The following ROBO2 variants were observed in gnomAD, a reference collection of about 807,000 sequenced individuals.
ROBO2 encodes roundabout guidance receptor 2.
A neutral mutation model predicts 160.8 loss-of-function variants in ROBO2; 53 were observed. The observed-to-expected ratio is 0.33, with a 90% CI of 0.26 to 0.41. ROBO2 has a LOEUF of 0.41. Ranked by LOEUF, ROBO2 falls within the 10% of genes least tolerant of loss-of-function variation. The pLI, the probability that ROBO2 is intolerant of heterozygous loss-of-function variation, is 1.00. For synonymous variants in ROBO2, 664 were observed against 611.7 expected, an observed-to-expected ratio of 1.09 and a Z score of -1.26; for missense variants, 1,577 against 1,722.4, an observed-to-expected ratio of 0.92 and a Z score of 1.49.
chr3:77,182,785 G>A (rs1270097877), intron 2 of ROBO2, among the ~76,000 whole-genome samples: 1 of 152,056 alleles, frequency 6.6e-6, no homozygotes, highest in African/African-American at 2.4e-5. Flanking sequence ...TTATACAAAG[G>A]TGTTAAGTAA....
chr3:77,211,382 GTCT>G (rs2084133160), intron 2 of ROBO2, among the ~76,000 whole-genome samples: 1 of 152,190 alleles, frequency 6.6e-6, no homozygotes, highest in Admixed American at 6.5e-5. Flanking sequence ...CTGCATAAAT[GTCT>G]TCTTTTGAGA....
At chr3:76,353,202 A>T (rs966733449) in intron 2 of ROBO2, among the ~76,000 whole-genome samples, 112 of 152,092 alleles carry the variant, frequency 7.4e-4, no homozygotes, top group African/African-American at 2.6e-3. Flanking sequence ...CTGTCCTGAT[A>T]TGATCTTTTT....
rs114447253 is a variant in ROBO2, at chr3:76,131,577, T to C, written c.109+193975T>C. Among the ~76,000 whole-genome samples the C allele has an allele frequency of 4.2e-3, 641 of 152,194 alleles. 11 individuals are homozygous for C. Among genetic ancestry groups the C allele is most frequent in the Admixed American group, 0.027 (418 of 15,286 alleles). On this transcript the variant is annotated intron_variant, in intron 2 of 26. Transcript: ENST00000487694. ...AGTTCCCTTTGGTAAGGTTTTTTCC[T>C]TGGGCAGGAATCAACTGAGACCTGT...
intron 2 of ROBO2, among the ~76,000 whole-genome samples, chr3:76,830,291 C>A (rs2066967898): frequency 6.6e-6 from 1 of 152,156 alleles, no homozygotes; most frequent in Non-Finnish European, 1.5e-5. Flanking sequence ...ACTGGCTAGC[C>A]TCCAGGTACT....
intron 2 of ROBO2, among the ~76,000 whole-genome samples, chr3:76,567,620 G>GATATATATATATATATATATAT (rs1201854439): frequency 1.5e-4 from 5 of 33,244 alleles, no homozygotes; most frequent in Non-Finnish European, 2.7e-4. Flanking sequence ...CCAAACTACT[G>GATATATATATATATATATATAT]ATATATATAT....
chr3:77,075,109 T>C (rs2149870511), intron 1 of ROBO2, among the ~76,000 whole-genome samples: 1 of 152,330 alleles, frequency 6.6e-6, no homozygotes, highest in Non-Finnish European at 1.5e-5. Context: ...TATACACATG[T>C]ACATAAAACG....
intron 2 of ROBO2, among the ~76,000 whole-genome samples, chr3:76,555,443 A>AAGAAGAAAGAAGG (rs2083726254): frequency 2.2e-5 from 3 of 138,798 alleles, no homozygotes; most frequent in Admixed American, 7.2e-5. Flanking sequence ...GAAGGGGAAG[A>AAGAAGAAAGAAGG]GGAAGAGGAA....
chr3:77,002,977 A>AAG (rs56143211), intron 2 of ROBO2, among the ~76,000 whole-genome samples: 53,758 of 151,848 alleles, frequency 0.35, 10,283 homozygotes, highest in East Asian at 0.65. Context: ...AAATCTCCCT[A>AAG]AGTCTTTCAT....
At position 77,377,086 on chromosome 3, in the gene ROBO2, G is replaced by A. The variant is rs367694752; in HGVS notation, c.389-100328G>A. 1.2e-4 allele frequency among the ~76,000 whole-genome samples: 19 copies of A among 152,196 alleles called. No individual in the cohort carries two copies. In the East Asian group the frequency reaches 3.7e-3, roughly 29 times the overall value. ...AAATCAATTATGTGGTGATTTGTGA[G>A]TTTGACCAAAAGCTGATTTCCCTAC... On this transcript the variant is annotated intron_variant, in intron 2 of 25. Transcript: ENST00000461745.
At chr3:76,561,808 C>T (rs2084200623) in intron 2 of ROBO2, among the ~76,000 whole-genome samples, 1 of 152,158 alleles carries the variant, frequency 6.6e-6, no homozygotes, top group Admixed American at 6.6e-5. Flanking sequence ...GGCACTTGCT[C>T]TTACACTCCC....
At chr3:77,270,836 G>T (rs1395048081) in intron 2 of ROBO2, among the ~76,000 whole-genome samples, 1 of 151,938 alleles carries the variant, frequency 6.6e-6, no homozygotes, top group Non-Finnish European at 1.5e-5. Flanking sequence ...CCAGCTACTC[G>T]GGAGGCTGAG....
intron 2 of ROBO2, among the ~76,000 whole-genome samples, chr3:76,947,226 AAT>A (rs1333656563): frequency 6.6e-6 from 1 of 151,986 alleles, no homozygotes; most frequent in Non-Finnish European, 1.5e-5. Flanking sequence ...TAAATATTAT[AAT>A]ATATTTAACC....
intron 2 of ROBO2, among the ~76,000 whole-genome samples, chr3:77,401,287 G>A (rs1477178881): frequency 2.6e-5 from 4 of 151,740 alleles, no homozygotes; most frequent in Admixed American, 2.6e-4. Flanking sequence ...CTCAAAGAGG[G>A]GATTTCAATC....
At chr3:76,311,958 G>C (rs2071616206) in intron 2 of ROBO2, among the ~76,000 whole-genome samples, 2 of 152,206 alleles carry the variant, frequency 1.3e-5, no homozygotes, top group African/African-American at 4.8e-5. Flanking sequence ...ACTTTGAAGT[G>C]TTGTAATACA....
chr3:76,781,759 T>A (rs2062657759), intron 2 of ROBO2, among the ~76,000 whole-genome samples: 2 of 150,788 alleles, frequency 1.3e-5, no homozygotes, highest in African/African-American at 4.8e-5. Flanking sequence ...TAGCGAATGA[T>A]TCTTTTAATG....
intron 2 of ROBO2, among the ~76,000 whole-genome samples, chr3:77,117,354 A>C (rs1379102050): frequency 1.3e-5 from 2 of 152,116 alleles, no homozygotes; most frequent in African/African-American, 4.8e-5. Context: ...CCCCAACTCA[A>C]ATACCTATGA....
intron 2 of ROBO2, among the ~76,000 whole-genome samples, chr3:76,921,316 G>A (rs2076645193): frequency 6.6e-6 from 1 of 152,094 alleles, no homozygotes; most frequent in African/African-American, 2.4e-5. Context: ...TCCATTATAA[G>A]GTATCTAATT....
At chr3:76,731,818 G>A (rs1371457658) in intron 2 of ROBO2, among the ~76,000 whole-genome samples, 1 of 152,138 alleles carries the variant, frequency 6.6e-6, no homozygotes, top group African/African-American at 2.4e-5. Flanking sequence ...GGAATTCATG[G>A]GGACTCTATT....
At chr3:77,546,390 A>G in exon 7 of ROBO2, 2 of 1,613,326 alleles carry the variant, frequency 1.2e-6, no homozygotes, top group Non-Finnish European at 8.5e-7. Flanking sequence ...CTCAAGGTCG[A>G]ACAGTGACAT....
Sources: allele counts gnomAD v4.1 joint callset (sites outside exome capture counted in the v4.1 genomes callset), GRCh38; gene constraint gnomAD v4.1.1; transcripts MANE v1.5; gene names NCBI Gene and HGNC (gene_info 2026-07-23, HGNC 2026-07-21).